MARCHF8: variants seen among roughly 807,000 people sequenced by gnomAD.
MARCHF8 encodes the protein membrane associated ring-CH-type finger 8, also known as E3 ubiquitin-protein ligase MARCHF8.
MARCHF8 carries 40 observed loss-of-function variants against 51.6 expected under a neutral mutation model. The observed-to-expected ratio is 0.77, with a 90% confidence interval of 0.60 to 1.01. The LOEUF (loss-of-function observed/expected upper bound fraction) is 1.01. MARCHF8 is among the 50% of genes least tolerant of loss of function. MARCHF8 has a pLI of 0.00. For missense variants in MARCHF8, 685 were observed against 708.6 expected (o/e 0.97, Z 0.38); for synonymous variants, 263 against 280.3 (o/e 0.94, Z 0.62).
intron 1 of MARCHF8, among the ~76,000 whole-genome samples, chr10:45,546,138 T>TTTTTTTTATTTA (rs1554818043): frequency 6.8e-6 from 1 of 147,688 alleles, no homozygotes; most frequent in African/African-American, 2.5e-5. Context: ...TGAGCTGAAT[T>TTTTTTTTATTTA]TTTATTTATT....
At chr10:45,529,937 G>A (rs1358292271) in intron 2 of MARCHF8, among the ~76,000 whole-genome samples, 1 of 152,178 alleles carries the variant, frequency 6.6e-6, no homozygotes, top group Non-Finnish European at 1.5e-5. Flanking sequence ...CACTACTGGG[G>A]ATCTACGCAA....
rs1238085942 is a variant in MARCHF8, at chr10:45,581,915, T to C, written c.-79+12320A>G. 3.4e-5 allele frequency among the ~76,000 whole-genome samples: 5 copies of C among 145,636 alleles called. No homozygotes were observed. In the Admixed American group the frequency reaches 3.5e-4, roughly 10 times the overall value. ...CTTAAAGGAGTAACATTTTCAAAAC[T>C]GAGAACAGTACTTAGGCACTTCAAC... On this transcript the variant is annotated intron_variant, in intron 1 of 6. Coordinates refer to the MARCHF8 transcript ENST00000319836.
At chr10:45,474,071 G>A (rs536389688) in intron 3 of MARCHF8, among the ~76,000 whole-genome samples, 8 of 152,200 alleles carry the variant, frequency 5.3e-5, no homozygotes, top group East Asian at 1.9e-4. Flanking sequence ...CCGTGGTATC[G>A]TATAGAGGTC....
chr10:45,546,458 C>T lies in MARCHF8; in HGVS notation c.-78-13169G>A, dbSNP rs906330521. On this transcript the variant is annotated intron_variant, in intron 1 of 6. Coordinates refer to the MARCHF8 transcript ENST00000319836. ...GATTACAGGCGTGAGCCACAGCGCC[C>T]GGTCATGAGCTGAAATTTTTTAATG... Among the ~76,000 whole-genome samples the T allele has an allele frequency of 8.5e-5, 13 of 152,088 alleles. No individual in the cohort carries two copies. In the East Asian group the frequency reaches 1.4e-3, roughly 16 times the overall value.
intron 6 of MARCHF8, chr10:45,459,907 A>C (rs1366053670): frequency 1.0e-6 from 1 of 985,162 alleles, no homozygotes; most frequent in Admixed American, 6.1e-5. Context: ...AAAACACATA[A>C]AGGTAGAGAG....
chr10:45,578,618 T>C (rs969638381), intron 1 of MARCHF8, among the ~76,000 whole-genome samples: 4 of 152,168 alleles, frequency 2.6e-5, no homozygotes, highest in Admixed American at 2.0e-4. Context: ...TGTCAACAAA[T>C]ATTAACTTCA....
At chr10:45,581,706 T>C (rs1277121540) in intron 1 of MARCHF8, among the ~76,000 whole-genome samples, 3 of 152,150 alleles carry the variant, frequency 2.0e-5, no homozygotes, top group African/African-American at 4.8e-5. Context: ...AAATTTAATT[T>C]AGCTGTGTAT....
chr10:45,534,149 C>G (rs563026427), intron 1 of MARCHF8, among the ~76,000 whole-genome samples: 3 of 152,052 alleles, frequency 2.0e-5, no homozygotes, highest in Non-Finnish European at 2.9e-5. Context: ...CACCACTGCA[C>G]TCCAGCCTGG....
At chr10:45,460,020 G>A in intron 6 of MARCHF8, 1 of 368,404 alleles carries the variant, frequency 2.7e-6, no homozygotes, top group Non-Finnish European at 3.8e-6. Flanking sequence ...GAGCCTCAAG[G>A]ACTTCCCATG....
At chr10:45,475,224 G>A (rs1274132950) in intron 3 of MARCHF8, among the ~76,000 whole-genome samples, 2 of 152,184 alleles carry the variant, frequency 1.3e-5, no homozygotes, top group African/African-American at 2.4e-5. Flanking sequence ...AAGCGCCAAG[G>A]ACAAAGTGAG....
At chr10:45,587,313 A>AT (rs33990034) in intron 1 of MARCHF8, among the ~76,000 whole-genome samples, 54,733 of 151,944 alleles carry the variant, frequency 0.36, 10,447 homozygotes, top group African/African-American at 0.49. Flanking sequence ...TTGAGAAATG[A>AT]TTTTTTAATC....
intron 3 of MARCHF8, among the ~76,000 whole-genome samples, chr10:45,464,620 T>C (rs1169383334): frequency 6.6e-6 from 1 of 152,232 alleles, no homozygotes; most frequent in Non-Finnish European, 1.5e-5. Flanking sequence ...AGTTAGTTCA[T>C]ATATAAGTCA....
chr10:45,512,131 C>T (rs540249827), intron 2 of MARCHF8, among the ~76,000 whole-genome samples: 14 of 151,400 alleles, frequency 9.2e-5, no homozygotes, highest in African/African-American at 1.2e-4. Flanking sequence ...CGCCCAGCCG[C>T]GACCCCGTCT....
chr10:45,548,928 G>A (rs2044161100), intron 1 of MARCHF8, among the ~76,000 whole-genome samples: 1 of 151,404 alleles, frequency 6.6e-6, no homozygotes, highest in African/African-American at 2.4e-5. Flanking sequence ...CTGGGAAGTG[G>A]AGGTTGCAGT....
rs1197117799 is a variant in MARCHF8, at chr10:45,463,730, T to G, written c.509A>C (p.Glu170Ala). 1 of 1,551,226 alleles carries G rather than the reference T, an allele frequency of 6.4e-7. No individual in the cohort carries two copies. The highest frequency in any genetic ancestry group is 1.2e-5 in the South Asian group (1 of 84,068). ...DVGEKAQDTS[E>A]SFAYVERTCS... ...AGTTCTTTCCACATAGGCAAAACTT[T>G]CTGAAGTATCCTGCGCCTTCTCACC... Residue 170 changes from glutamate to alanine, a missense_variant, in exon 5 of 8, where the codon GAA becomes GCA. Glu to Ala is a moderately radical substitution (Grantham distance 107). Transcript: ENST00000453424.
At chr10:45,582,600 C>T (rs770533456) in intron 1 of MARCHF8, among the ~76,000 whole-genome samples, 1 of 152,192 alleles carries the variant, frequency 6.6e-6, no homozygotes, top group Admixed American at 6.5e-5. Flanking sequence ...AGAGGTGAGG[C>T]AAGGCTGCTT....
intron 3 of MARCHF8, among the ~76,000 whole-genome samples, chr10:45,485,010 T>C (rs1185014315): frequency 2.0e-5 from 3 of 152,154 alleles, no homozygotes; most frequent in Non-Finnish European, 4.4e-5. Flanking sequence ...GATAGATTCT[T>C]GAGAAGCTAC....
chr10:45,544,250 G>T (rs1334194283), intron 1 of MARCHF8, among the ~76,000 whole-genome samples: 1 of 152,156 alleles, frequency 6.6e-6, no homozygotes, highest in African/African-American at 2.4e-5. Context: ...GAAAAAATTA[G>T]ATCTCTCATG....
In MARCHF8 at chr10:45,579,086, G is replaced by A. The variant is rs2044522132; in HGVS notation, c.-79+15149C>T. Among the ~76,000 whole-genome samples, 4 of 152,298 alleles carry A rather than the reference G, an allele frequency of 2.6e-5. No homozygotes were observed. The South Asian group carries it at 8.3e-4, about 32-fold the overall frequency. ...GTACCAATTGTTAAATTTCTTGACT[G>A]CTAATTTTACTGTGGTTATGCAAGA... On this transcript the variant is annotated intron_variant, in intron 1 of 6. Coordinates refer to the MARCHF8 transcript ENST00000319836.
Sources: gnomAD v4.1 joint callset for allele counts (sites outside exome capture counted in the v4.1 genomes callset) on GRCh38, gnomAD v4.1.1 for gene constraint, MANE v1.5 for transcripts, NCBI Gene and HGNC (gene_info 2026-07-23, HGNC 2026-07-21) for gene names.